GALNT15: variants seen among roughly 807,000 people sequenced by gnomAD.
GALNT15 encodes UDP-GalNAc transferase T15.
Under a neutral mutation model 66.8 loss-of-function variants are expected in GALNT15, and 67 were observed. The ratio of observed to expected loss-of-function variants is 1.00; its 90% CI spans 0.82 to 1.23. The LOEUF is 1.23. Ranked by LOEUF, GALNT15 falls within the 50% of genes most tolerant of loss-of-function variation. GALNT15 has a pLI of 0.00. For synonymous variants in GALNT15, 313 were observed against 311.5 expected, an observed-to-expected ratio of 1.00 and a Z score of -0.05; for missense variants, 827 against 804.3, an observed-to-expected ratio of 1.03 and a Z score of -0.34.
chr3:16,179,103 A>G (rs776367367), intron 1 of GALNT15, among the ~76,000 whole-genome samples: 2 of 152,216 alleles, frequency 1.3e-5, no homozygotes, highest in African/African-American at 4.8e-5. Context: ...GAAAAATATC[A>G]GTGGAAAAGA....
intron 6 of GALNT15, among the ~76,000 whole-genome samples, chr3:16,213,815 G>A (rs573451939): frequency 3.0e-4 from 46 of 152,310 alleles, no homozygotes; most frequent in African/African-American, 1.0e-3. Context: ...CAGCCTGACA[G>A]GGAAGCCCCA....
intron 1 of GALNT15, among the ~76,000 whole-genome samples, chr3:16,177,636 A>G (rs2063424453): frequency 6.6e-6 from 1 of 152,188 alleles, no homozygotes; most frequent in African/African-American, 2.4e-5. Context: ...TGCATGTATT[A>G]TGTGCATGGT....
intron 3 of GALNT15, among the ~76,000 whole-genome samples, chr3:16,202,873 G>A (rs1315147679): frequency 2.6e-5 from 4 of 152,228 alleles, no homozygotes; most frequent in South Asian, 2.1e-4. Flanking sequence ...TTCCAGGAAA[G>A]TAAAAAAGAC....
At chr3:16,230,169 A>G (rs2064068386), downstream of GALNT15, among the ~76,000 whole-genome samples, 1 of 152,128 alleles carries the variant, frequency 6.6e-6, no homozygotes, top group Admixed American at 6.6e-5. The surrounding 1 kb of genome is among the most constrained non-coding windows in gnomAD (Gnocchi z 4.5). Flanking sequence ...ACCCCCACCA[A>G]GTTCATCATC....
In GALNT15 at chr3:16,211,282, G is replaced by T. The variant is rs776242251; in HGVS notation, c.1197+41G>T. ...AGGGAGGACAGAGGTGGGATCTCTG[G>T]AGTGGTGTGTATGGTCACAGCTCAG... On this transcript the variant is annotated intron_variant, in intron 5 of 9. Coordinates refer to ENST00000339732, the MANE Select transcript of GALNT15 (RefSeq NM_054110.5). The surrounding 1 kb of genome is among the most constrained non-coding windows in gnomAD (Gnocchi z 4.3). The T allele has an allele frequency of 7.7e-7, 1 of 1,292,322 alleles. No homozygotes were observed. The highest frequency in any genetic ancestry group is 1.1e-6 in the Non-Finnish European group (1 of 887,196). 80.1% of individuals were successfully genotyped at this position (1,292,322 alleles called of 1,614,324 possible).
intron 9 of GALNT15, among the ~76,000 whole-genome samples, chr3:16,223,180 T>C (rs919848512): frequency 3.3e-5 from 5 of 152,290 alleles, no homozygotes. Context: ...TATATAGATA[T>C]ATAGATATCA....
Position 16,208,578 on chromosome 3 carries a change from G to C in GALNT15, c.987G>C (p.Gln329His). 1 of 1,614,178 alleles carries C rather than the reference G, an allele frequency of 6.2e-7. No individual in the cohort carries two copies. Among genetic ancestry groups the C allele is most frequent in the South Asian group, 1.1e-5 (1 of 91,078 alleles). The change falls in exon 4 of 10, where the codon CAG (glutamine) becomes CAC (histidine). Residue 329 changes from glutamine (Q) to histidine (H), a missense_variant. Transcript: ENST00000339732. ...AGTATTACCCCTCAAAGGACCTGCA[G>C]CGTGGGGTGTTGGACTGGAAGCTGG... ...TFQYYPSKDL[Q>H]RGVLDWKLDF...
At position 16,175,666 on chromosome 3, in the gene GALNT15, C is replaced by T; in HGVS notation, c.515C>T (p.Ala172Val). The change falls in exon 1 of 10, where the codon GCT becomes GTT. Residue 172 changes from alanine (A) to valine (V), a missense_variant. Coordinates refer to ENST00000339732, the MANE Select transcript of GALNT15 (RefSeq NM_054110.5). This position sits in a 1 kb window ranked among gnomAD's most constrained non-coding sequence, Gnocchi z 5.6. ...ALSARIPLQR[A>V]LPEVRHPLCL... ...AGTGCCCGCATCCCCCTCCAGAGGG[C>T]TCTGCCCGAGGTGCGGCACCCACTG... 1 of 1,602,874 alleles carries T rather than the reference C, an allele frequency of 6.2e-7. No individual in the cohort carries two copies. Among genetic ancestry groups the T allele is most frequent in the South Asian group, 1.1e-5 (1 of 90,122 alleles).
chr3:16,212,630 A>G lies in GALNT15; in HGVS notation c.1259A>G (p.Gln420Arg), dbSNP rs774645486. ...TGCTCTCGGGTAGGACACATCTACC[A>G]AAATCAGGATTCCCATTCCCCCCTC... is the stretch of plus-strand genomic sequence containing the variant. ...LPCSRVGHIY[Q>R]NQDSHSPLDQ... Residue 420 changes from glutamine to arginine, a missense_variant, in exon 6 of 10, where the codon CAA becomes CGA. Physicochemically the swap from Gln to Arg is conservative, Grantham distance 43. Transcript: ENST00000339732. 39 of 1,613,800 alleles carry G rather than the reference A, an allele frequency of 2.4e-5. No homozygotes were observed. Among genetic ancestry groups the G allele is most frequent in the Non-Finnish European group, 3.2e-5 (38 of 1,179,968 alleles).
intron 2 of GALNT15, among the ~76,000 whole-genome samples, chr3:16,196,920 C>T (rs1441723628): frequency 6.6e-6 from 1 of 152,188 alleles, no homozygotes; most frequent in Non-Finnish European, 1.5e-5. Context: ...CCAGGTGCCT[C>T]TGTTAGTTCT....
chr3:16,227,480 A>G lies in GALNT15; in HGVS notation c.1900A>G (p.Asn634Asp), dbSNP rs2064034774. The change falls in exon 10 of 10, where the codon AAT becomes GAT. Residue 634 changes from asparagine (N) to aspartate (D), a missense_variant. Asn to Asp is a conservative substitution (Grantham distance 23). Transcript: ENST00000339732. This position sits in a 1 kb window ranked among gnomAD's most constrained non-coding sequence, Gnocchi z 4.5. ...ARQQWRFDQINAVDER is the reference protein window; with the variant it reads ...ARQQWRFDQIDAVDER The stretch of plus-strand genomic sequence containing the variant: ...CCAGCAGTGGCGTTTTGACCAGATC[A>G]ATGCTGTGGATGAACGATGAATGTC... 1.2e-6 allele frequency: 2 copies of G among 1,614,094 alleles called. No homozygotes were observed. The highest frequency in any genetic ancestry group is 8.5e-7 in the Non-Finnish European group (1 of 1,180,032).
At chr3:16,196,542 G>A (rs1458565487) in intron 2 of GALNT15, among the ~76,000 whole-genome samples, 1 of 152,144 alleles carries the variant, frequency 6.6e-6, no homozygotes, top group Admixed American at 6.5e-5. Context: ...AAAGAAGATG[G>A]AGACAGAGAA....
In GALNT15 at chr3:16,227,706, A is replaced by T; in HGVS notation, c.*206A>T. 7.1e-7 allele frequency: 1 copy of T among 1,406,046 alleles called. No homozygotes were observed. Among genetic ancestry groups the T allele is most frequent in the Non-Finnish European group, 9.2e-7 (1 of 1,086,714 alleles). 87.1% of individuals were successfully genotyped at this position (1,406,046 alleles called of 1,614,324 possible). A position where few individuals can be genotyped will look rare whatever the true frequency, so the allele number is the denominator to read the frequency against. On this transcript the variant is annotated 3_prime_UTR_variant, in exon 10 of 10. Transcript: ENST00000339732. This position sits in a 1 kb window ranked among gnomAD's most constrained non-coding sequence, Gnocchi z 4.5. ...CTGCTGGCTGCTTTAAAAAAAAAAA[A>T]AAAGGATCCATTGTACCGTTGTCTT...
rs143296803 is a variant in GALNT15, at chr3:16,175,423, G to A, written c.272G>A (p.Arg91Gln). 3.5e-5 allele frequency: 57 copies of A among 1,614,056 alleles called. No homozygotes were observed. Among genetic ancestry groups the A allele is most frequent in the African/African-American group, 2.5e-4 (19 of 74,922 alleles). Residue 91 changes from arginine (R) to glutamine (Q), a missense_variant, in exon 1 of 10, where the codon CGG becomes CAG. Arg to Gln is a conservative substitution (Grantham distance 43). Transcript: ENST00000339732. This position sits in a 1 kb window ranked among gnomAD's most constrained non-coding sequence, Gnocchi z 5.6. ...GGCCTGCCACCCTTTATCTCACTGC[G>A]GGAGGATCAGCTGCTGGTGGCCGTG... The part of the protein sequence containing the change: ...LEGLPPFISL[R>Q]EDQLLVAVAL...
chr3:16,208,398 C>A (rs771663277), intron 3 of GALNT15, 105 bp from the exon 4 acceptor site: 6 of 1,070,438 alleles, frequency 5.6e-6, no homozygotes, highest in Middle Eastern at 3.1e-4. Context: ...ATTTTAGGTA[C>A]GGGTGTCTGG....
chr3:16,214,564 G>T (rs373265441), intron 6 of GALNT15, among the ~76,000 whole-genome samples: 1 of 152,064 alleles, frequency 6.6e-6, no homozygotes, highest in African/African-American at 2.4e-5. Context: ...GTCAAAAAAG[G>T]TCAACCAAGC....
At position 16,201,326 on chromosome 3, in the gene GALNT15, C is replaced by T. The variant is rs558723987; in HGVS notation, c.911+503C>T. On this transcript the variant is annotated intron_variant, in intron 3 of 9. Coordinates refer to ENST00000339732, the MANE Select transcript of GALNT15 (RefSeq NM_054110.5). ...CCTCCCGAGTAGCTGGGACTACAGGCGCCCGCCACCACACCCGGCTAATTT... is the reference window on the plus strand; with the variant it reads ...CCTCCCGAGTAGCTGGGACTACAGGTGCCCGCCACCACACCCGGCTAATTT... Among the ~76,000 whole-genome samples, 95 of 152,050 alleles carry T rather than the reference C, an allele frequency of 6.2e-4. 2 individuals are homozygous for T. The South Asian group carries it at 0.019, about 30-fold the overall frequency.
chr3:16,178,633 A>T (rs1057294594), intron 1 of GALNT15, among the ~76,000 whole-genome samples: 1 of 152,276 alleles, frequency 6.6e-6, no homozygotes, highest in African/African-American at 2.4e-5. Context: ...CCTCGCCTGC[A>T]TGCACAAGAG....
chr3:16,245,648 A>G, the GALNT15 span, among the ~76,000 whole-genome samples: 2 of 152,240 alleles, frequency 1.3e-5, no homozygotes, highest in African/African-American at 4.8e-5. Context: ...ATTACTGGAA[A>G]AATACTGAAG....
Sources: allele counts gnomAD v4.1 joint callset (sites outside exome capture counted in the v4.1 genomes callset), GRCh38; gene constraint gnomAD v4.1.1; non-coding constraint Gnocchi (gnomAD v3.1); transcripts MANE v1.5; gene names NCBI Gene and HGNC (gene_info 2026-07-23, HGNC 2026-07-21).